MIA3: variants seen among roughly 807,000 people sequenced by gnomAD.
MIA3 encodes the protein transport and Golgi organization protein 1 homolog.
In MIA3, 90 loss-of-function variants were observed where a neutral mutation model predicts 192.4. The observed-to-expected ratio is 0.47, with a 90% confidence interval of 0.39 to 0.56. The LOEUF is 0.56. MIA3 is among the 20% of genes least tolerant of loss of function. The probability of loss-of-function intolerance (pLI) is 0.00; values close to 1 mark genes in which losing one functional copy is unlikely to be tolerated. For missense variants in MIA3, 2,123 were observed against 2,269.4 expected (o/e 0.94, Z 1.31); for synonymous variants, 740 against 792.8 (o/e 0.93, Z 1.12).
chr1:222,642,858 A>T lies in MIA3; in HGVS notation c.3478-2696A>T, dbSNP rs1332419873. Among the ~76,000 whole-genome samples the T allele has an allele frequency of 2.0e-5, 3 of 152,180 alleles. No individual in the cohort carries two copies. In the East Asian group the frequency reaches 5.8e-4, roughly 29 times the overall value. On this transcript the variant is annotated intron_variant, in intron 6 of 27. Transcript: ENST00000344922. The stretch of plus-strand genomic sequence containing the variant: ...AATTATTTGCATTTCTTTTCCTGGG[A>T]TCTGTTCATTACCTCAGCCCATTTT...
rs1419076240 is a variant in MIA3 at position 222,667,842 on chromosome 1, A to G, written c.*2223A>G. The G allele has an allele frequency of 6.6e-6, 1 of 152,218 alleles. No individual in the cohort carries two copies. The highest frequency in any genetic ancestry group is 1.9e-4 in the East Asian group (1 of 5,198). The allele number at this position is 152,218 out of a possible 1,614,324, so 9.4% of individuals were successfully genotyped here. On this transcript the variant is annotated 3_prime_UTR_variant, in exon 28 of 28. Coordinates refer to ENST00000344922, the MANE Select transcript of MIA3 (RefSeq NM_198551.4). ...ATGAAGCAGCAATATTCAGCCTGAA[A>G]GCATTTCTGCCATAGTTGTTGTAGT...
Position 222,652,275 on chromosome 1 carries a change from G to A in MIA3, c.4029G>A (p.Lys1343=). The stretch of plus-strand genomic sequence containing the variant: ...CTAAGCTTAGTGAAGAGAAGGTGAA[G>A]TCTGAATGCCATCGGGTTCAAGAAG... ...NEAKLSEEKV[K]SECHRVQEEN... Residue 1343 remains lysine, a synonymous_variant, in exon 13 of 28, where the codon AAG becomes AAA. Transcript: ENST00000344922. 1 of 1,613,934 alleles carries A rather than the reference G, an allele frequency of 6.2e-7. No homozygotes were observed. Among genetic ancestry groups the A allele is most frequent in the Non-Finnish European group, 8.5e-7 (1 of 1,179,878 alleles).
chr1:222,631,262 C>A (rs1200448021), intron 4 of MIA3, among the ~76,000 whole-genome samples: 1 of 152,060 alleles, frequency 6.6e-6, no homozygotes, highest in African/African-American at 2.4e-5. Context: ...GCTAGGACTA[C>A]AGGCATGCAT....
At chr1:222,621,396 C>G (rs1661850485) in intron 2 of MIA3, 104 bp downstream of exon 2, 3 of 1,127,744 alleles carry the variant, frequency 2.7e-6, no homozygotes, top group South Asian at 3.1e-5. Context: ...ATGGAGTTAA[C>G]TTGTCCTCTC....
rs771016622 is a variant in MIA3 at position 222,662,161 on chromosome 1, T to C, written c.5182+37T>C. 1.1e-5 allele frequency: 17 copies of C among 1,607,196 alleles called. No individual in the cohort carries two copies. In the East Asian group the frequency reaches 1.6e-4, roughly 15 times the overall value. ...AGAGTGTTCAAAGAGTCTAAAACCA[T>C]GCAGGAAGTGGGGAGAGGATTTTTT... is the stretch of plus-strand genomic sequence containing the variant. On this transcript the variant is annotated intron_variant, in intron 25 of 27. Transcript: ENST00000344922.
intron 6 of MIA3, among the ~76,000 whole-genome samples, chr1:222,643,962 C>T (rs1347235655): frequency 6.6e-6 from 1 of 152,200 alleles, no homozygotes; most frequent in Non-Finnish European, 1.5e-5. Context: ...AAAGGCCGCG[C>T]ACTGCAGTGG....
At chr1:222,654,573 C>A in intron 17 of MIA3, 82 bp from the exon 18 acceptor site, 1 of 1,556,726 alleles carries the variant, frequency 6.4e-7, no homozygotes, top group South Asian at 1.1e-5. Flanking sequence ...TCATACTTCT[C>A]ATTTCTCTCA....
chr1:222,629,019 T>C lies in MIA3; in HGVS notation c.1799T>C (p.Leu600Ser), dbSNP rs757575446. ...ASRDSVEGDA[L>S]VNGAKLHTLS... Reference sequence around the variant, plus strand: ...AGAGACAGTGTGGAGGGAGACGCTTTGGTAAATGGGGCCAAACTGCACACG... The same window carrying C: ...AGAGACAGTGTGGAGGGAGACGCTTCGGTAAATGGGGCCAAACTGCACACG... Residue 600 changes from leucine (L) to serine (S), a missense_variant, in exon 4 of 28, where the codon TTG becomes TCG. By Grantham distance (145) the Leu-to-Ser change is moderately radical. Transcript: ENST00000344922. 1 of 1,614,146 alleles carries C rather than the reference T, an allele frequency of 6.2e-7. No individual in the cohort carries two copies. Among genetic ancestry groups the C allele is most frequent in the Admixed American group, 1.7e-5 (1 of 60,018 alleles).
At chr1:222,652,397 C>A in intron 13 of MIA3, 65 bp downstream of exon 13, 1 of 1,005,988 alleles carries the variant, frequency 9.9e-7, no homozygotes, top group Non-Finnish European at 1.6e-6. Flanking sequence ...CTCATGAATG[C>A]CTTTACTCAG....
At chr1:222,649,114 G>A in intron 8 of MIA3, 1 of 301,962 alleles carries the variant, frequency 3.3e-6, no homozygotes, top group Non-Finnish European at 6.1e-6. Context: ...TGTTGATGTA[G>A]TACCAATTTA....
rs1357520392 is a variant in MIA3, at chr1:222,629,042, A to G, written c.1822A>G (p.Thr608Ala). The G allele has an allele frequency of 6.2e-7, 1 of 1,614,084 alleles. No individual in the cohort carries two copies. Among genetic ancestry groups the G allele is most frequent in the Non-Finnish European group, 8.5e-7 (1 of 1,180,046 alleles). Reference protein sequence around the residue: ...DALVNGAKLHTLSVEHQREEL... With the variant: ...DALVNGAKLHALSVEHQREEL... Reference sequence around the variant, plus strand: ...TTTGGTAAATGGGGCCAAACTGCACACGCTTTCAGTGGAGCATCAACGTGA... The same window carrying G: ...TTTGGTAAATGGGGCCAAACTGCACGCGCTTTCAGTGGAGCATCAACGTGA... Residue 608 changes from threonine (T) to alanine (A), a missense_variant, in exon 4 of 28, where the codon ACG (threonine) becomes GCG (alanine). Coordinates refer to ENST00000344922, the MANE Select transcript of MIA3 (RefSeq NM_198551.4).
chr1:222,648,710 C>CTAA, intron 7 of MIA3, 119 bp from the exon 8 acceptor site: 1 of 693,594 alleles, frequency 1.4e-6, no homozygotes, highest in Non-Finnish European at 2.5e-6. Context: ...ATTCATTATG[C>CTAA]TAAACCAAAG....
chr1:222,654,791 A>G lies in MIA3; in HGVS notation c.4605A>G (p.Gln1535=), dbSNP rs762696018. The G allele has an allele frequency of 2.5e-6, 4 of 1,613,262 alleles. No individual in the cohort carries two copies. The highest frequency in any genetic ancestry group is 1.3e-5 in the African/African-American group (1 of 75,016). Reference sequence around the variant, plus strand: ...ATCAGCAGAAGGAGATGGCTTTGCAAAAGTAAGATTATCATCATTTACTGT... The same window carrying G: ...ATCAGCAGAAGGAGATGGCTTTGCAGAAGTAAGATTATCATCATTTACTGT... The part of the protein sequence containing the change: ...ELYQQKEMAL[Q]KKLSQEEYER... The change falls in exon 18 of 28, where the codon CAA becomes CAG. Residue 1535 remains glutamine (Q), a splice_region_variant and synonymous_variant. Transcript: ENST00000344922.
intron 15 of MIA3, 24 bp from the exon 16 acceptor site, chr1:222,654,219 G>C: frequency 6.2e-7 from 1 of 1,607,726 alleles, no homozygotes; most frequent in Non-Finnish European, 8.5e-7. Context: ...AAAAAGCAAT[G>C]AAAGAAAGCC....
Position 222,632,319 on chromosome 1 carries a change from G to A in MIA3, c.3324G>A (p.Leu1108=). The change falls in exon 5 of 28, where the codon CTG becomes CTA. Residue 1108 remains leucine, a synonymous_variant. Transcript: ENST00000344922. ...AGAAGCCAAATACTGAGAAAGACCTGGACCCAGGTAAAGCCTGCTAATTTT... is the reference window on the plus strand; with the variant it reads ...AGAAGCCAAATACTGAGAAAGACCTAGACCCAGGTAAAGCCTGCTAATTTT... ...VSQKPNTEKD[L]DPGPVTTEDT... is the part of the protein sequence containing the mutation. 6.2e-7 allele frequency: 1 copy of A among 1,611,948 alleles called. No individual in the cohort carries two copies. The highest frequency in any genetic ancestry group is 8.5e-7 in the Non-Finnish European group (1 of 1,179,302).
chr1:222,644,682 G>A lies in MIA3; in HGVS notation c.3478-872G>A, dbSNP rs559553007. 177 of 1,309,846 alleles carry A rather than the reference G, an allele frequency of 1.4e-4. 2 individuals are homozygous for A. Among genetic ancestry groups the A allele is most frequent in the Non-Finnish European group, 1.6e-4 (151 of 934,808 alleles). 81.1% of individuals were successfully genotyped at this position (1,309,846 alleles called of 1,614,324 possible). A position where few individuals can be genotyped will look rare whatever the true frequency, so the allele number is the denominator to read the frequency against. On this transcript the variant is annotated intron_variant, in intron 6 of 27. Transcript: ENST00000344922. Reference sequence around the variant, plus strand: ...GTGCACTGATTGTCTGTGCAAAGGAGAAATGGAGTGTGTCAGATCCGAGGA... The same window carrying A: ...GTGCACTGATTGTCTGTGCAAAGGAAAAATGGAGTGTGTCAGATCCGAGGA...
At position 222,665,657 on chromosome 1, in the gene MIA3, A is replaced by G; in HGVS notation, c.*38A>G. ...TGAGGTTTCATTGGAAAGAAAGTGT[A>G]CTGTGCATTATCCATTACAGTAAAG... On this transcript the variant is annotated 3_prime_UTR_variant, in exon 28 of 28. Coordinates refer to ENST00000344922, the MANE Select transcript of MIA3 (RefSeq NM_198551.4). 6.7e-7 allele frequency: 1 copy of G among 1,486,024 alleles called. No homozygotes were observed. The highest frequency in any genetic ancestry group is 9.1e-7 in the Non-Finnish European group (1 of 1,102,900). The allele number at this position is 1,486,024 out of a possible 1,614,324, so 92.1% of individuals were successfully genotyped here.
In MIA3 at chr1:222,641,977, C is replaced by G. The variant is rs114234716; in HGVS notation, c.3478-3577C>G. 2,021 of 360,950 alleles carry G rather than the reference C, an allele frequency of 5.6e-3. 31 individuals are homozygous for G. Among genetic ancestry groups the G allele is most frequent in the African/African-American group, 0.04 (1,868 of 46,828 alleles). The allele number at this position is 360,950 out of a possible 1,614,324, so 22.4% of individuals were successfully genotyped here. ...GCTACTCAGCAATTAAAAAAAGAAC[C>G]ATTATAGATATGTGCAGCAATGTGG... On this transcript the variant is annotated intron_variant, in intron 6 of 27. Coordinates refer to ENST00000344922, the MANE Select transcript of MIA3 (RefSeq NM_198551.4).
Position 222,662,057 on chromosome 1 carries a change from A to G in MIA3, c.5115A>G (p.Gly1705=). ...GGACTCTGTTATTTCTTTCTCAAGGATCAGTGGACGGGCCTCTACCTCATC... is the reference window on the plus strand; with the variant it reads ...GGACTCTGTTATTTCTTTCTCAAGGGTCAGTGGACGGGCCTCTACCTCATC... ...NRRDMPRSEF[G]SVDGPLPHPR... Residue 1705 remains glycine, a splice_region_variant and synonymous_variant, in exon 25 of 28, where the codon GGA becomes GGG. Transcript: ENST00000344922. 6.2e-7 allele frequency: 1 copy of G among 1,613,116 alleles called. No individual in the cohort carries two copies. The highest frequency in any genetic ancestry group is 8.5e-7 in the Non-Finnish European group (1 of 1,179,334).
Sources: allele counts gnomAD v4.1 joint callset (sites outside exome capture counted in the v4.1 genomes callset), GRCh38; gene constraint gnomAD v4.1.1; transcripts MANE v1.5; gene names NCBI Gene and HGNC (gene_info 2026-07-23, HGNC 2026-07-21).